Variants in ACTR10 observed in about 807,000 individuals in gnomAD.
ACTR10 encodes actin-related protein 10.
In ACTR10, 43 loss-of-function variants were observed where a neutral mutation model predicts 56.2. That is an observed-to-expected ratio of 0.77 (90% CI 0.60 to 0.99). The LOEUF (loss-of-function observed/expected upper bound fraction) is 0.99, where lower values mean the gene tolerates loss of function less well. Ranked by LOEUF, ACTR10 falls within the 50% of genes least tolerant of loss-of-function variation. ACTR10 has a pLI of 0.00. For synonymous variants in ACTR10, 170 were observed against 176.3 expected (o/e 0.96, Z 0.28); for missense variants, 466 against 507.8 (o/e 0.92, Z 0.79).
At chr14:58,207,020 A>ATTT (rs67404166) in intron 2 of ACTR10, 63 of 124,588 alleles carry the variant, frequency 5.1e-4, no homozygotes, top group South Asian at 1.0e-3. Flanking sequence ...TCAATGCTGA[A>ATTT]TTTTTTTTTT....
At chr14:58,219,772 T>G (rs769605594) in intron 8 of ACTR10, 43 bp downstream of exon 8, 9 of 1,313,760 alleles carry the variant, frequency 6.9e-6, no homozygotes, top group Non-Finnish European at 8.3e-6. Context: ...CCTTAAGTGT[T>G]ACTTTGGAGG....
chr14:58,229,887 A>G (rs2140063785), intron 10 of ACTR10, among the ~76,000 whole-genome samples: 1 of 152,114 alleles, frequency 6.6e-6, no homozygotes, highest in East Asian at 1.9e-4. Context: ...TCATGCTACC[A>G]AAAAGAAATA....
intron 10 of ACTR10, among the ~76,000 whole-genome samples, chr14:58,229,353 G>A (rs1889474947): frequency 6.6e-6 from 1 of 152,172 alleles, no homozygotes; most frequent in Non-Finnish European, 1.5e-5. Context: ...ACTTTAGTTA[G>A]TAACACTATT....
rs754063779 is a variant in ACTR10, at chr14:58,208,025, T to C, written c.233+7T>C. ...TCCACATACTATATTTCAGGTAAGA[T>C]ACATTTTGTTTTCTAGCTTTTATGA... On this transcript the variant is annotated splice_region_variant and intron_variant, in intron 3 of 12. Transcript: ENST00000254286. The C allele has an allele frequency of 2.7e-6, 4 of 1,502,096 alleles. No homozygotes were observed. The highest frequency in any genetic ancestry group is 3.5e-6 in the Non-Finnish European group (4 of 1,132,910). 93.0% of individuals were successfully genotyped at this position (1,502,096 alleles called of 1,614,324 possible).
chr14:58,232,872 CTT>C (rs5808964), intron 12 of ACTR10, among the ~76,000 whole-genome samples: 32,936 of 136,300 alleles, frequency 0.24, 4,092 homozygotes, highest in Middle Eastern at 0.36. Context: ...TTCTTTCTTT[CTT>C]TTTTTTTTTT....
intron 8 of ACTR10, among the ~76,000 whole-genome samples, chr14:58,223,038 AT>A (rs544204179): frequency 6.6e-6 from 1 of 151,942 alleles, no homozygotes; most frequent in Non-Finnish European, 1.5e-5. Flanking sequence ...CTCAAAGGTG[AT>A]TTTTTTTAAA....
At position 58,202,758 on chromosome 14, in the gene ACTR10, T is replaced by A. The variant is rs557725089; in HGVS notation, c.78-97T>A. 4.8e-4 allele frequency: 388 copies of A among 804,822 alleles called. 3 individuals carry two copies. The African/African-American group carries it at 5.7e-3, about 12-fold the overall frequency. 49.9% of individuals were successfully genotyped at this position (804,822 alleles called of 1,614,324 possible). A position where few individuals can be genotyped will look rare whatever the true frequency, so the allele number is the denominator to read the frequency against. On this transcript the variant is annotated intron_variant, in intron 1 of 12. Coordinates refer to ENST00000254286, the MANE Select transcript of ACTR10 (RefSeq NM_018477.3). The stretch of plus-strand genomic sequence containing the variant: ...CATCAGGTATTTTCAAATGTTATTG[T>A]GGCCATTGTTTTGAAACAAATACAG...
chr14:58,229,392 T>A (rs1046942653), intron 10 of ACTR10, among the ~76,000 whole-genome samples: 1 of 151,860 alleles, frequency 6.6e-6, no homozygotes, highest in Non-Finnish European at 1.5e-5. Context: ...AAGAATAGAT[T>A]TTGGGGCCGG....
At chr14:58,219,373 T>C (rs1889213002) in intron 7 of ACTR10, 1 of 188,136 alleles carries the variant, frequency 5.3e-6, no homozygotes. Flanking sequence ...CACCTTTACC[T>C]TGAAGGACAA....
chr14:58,221,827 A>G (rs1484770150), intron 8 of ACTR10, among the ~76,000 whole-genome samples: 1 of 152,092 alleles, frequency 6.6e-6, no homozygotes, highest in African/African-American at 2.4e-5. Context: ...CTGAGGTAGG[A>G]GGATCACTTG....
rs1889649648 is a variant in ACTR10 at position 58,235,115 on chromosome 14, C to T, written c.*564C>T. The T allele has an allele frequency of 6.6e-6, 1 of 152,114 alleles. No individual in the cohort carries two copies. The highest frequency in any genetic ancestry group is 1.9e-4 in the East Asian group (1 of 5,186). The allele number at this position is 152,114 out of a possible 1,614,324, so 9.4% of individuals were successfully genotyped here. ...TTACAGGCGTGAACCACTGTACCAG[C>T]CTATGTTGCTTGTCTTTCAAAAAGA... On this transcript the variant is annotated 3_prime_UTR_variant, in exon 13 of 13. Transcript: ENST00000254286.
rs35929902 is a variant in ACTR10, at chr14:58,205,314, CT to C, written c.150+2405del. Among the ~76,000 whole-genome samples, 440 of 129,614 alleles carry C rather than the reference CT, an allele frequency of 3.4e-3. 1 individual carries two copies. Among genetic ancestry groups the C allele is most frequent in the Non-Finnish European group, 4.6e-3 (286 of 61,788 alleles). The allele number at this position is 129,614 out of a possible 152,430, so 85.0% of individuals were successfully genotyped here. A position where few individuals can be genotyped will look rare whatever the true frequency, so the allele number is the denominator to read the frequency against. ...TTTGGCATTTACATACATCAGAAAT[CT>C]TTTTTTTTTTTTTTTTTGAGGCGGA... On this transcript the variant is annotated intron_variant, in intron 2 of 12. Coordinates refer to ENST00000254286, the MANE Select transcript of ACTR10 (RefSeq NM_018477.3).
intron 2 of ACTR10, 50 bp downstream of exon 2, chr14:58,202,977 T>C (rs766738736): frequency 1.6e-6 from 2 of 1,255,066 alleles, no homozygotes; most frequent in Admixed American, 3.9e-5. Flanking sequence ...ATAAAATGTT[T>C]TAAAATATGA....
chr14:58,226,249 G>C (rs775672005), intron 10 of ACTR10, among the ~76,000 whole-genome samples: 16 of 152,072 alleles, frequency 1.1e-4, no homozygotes, highest in Non-Finnish European at 1.9e-4. Context: ...CTGGGCAACA[G>C]AGTGAGACCC....
intron 11 of ACTR10, chr14:58,231,113 G>T: frequency 2.9e-6 from 1 of 347,196 alleles, no homozygotes; most frequent in East Asian, 9.4e-5. Flanking sequence ...GAGTGCAATG[G>T]CATGATCTCA....
At position 58,213,698 on chromosome 14, in the gene ACTR10, A is replaced by G; in HGVS notation, c.518A>G (p.Lys173Arg). Residue 173 changes from lysine (K) to arginine (R), a missense_variant and splice_region_variant, in exon 6 of 13, where the codon AAA becomes AGA. Coordinates refer to ENST00000254286, the MANE Select transcript of ACTR10 (RefSeq NM_018477.3). ...ALPLGGKALH[K>R]ELETQLLEQC... ...CCCCTAGGAGGAAAAGCTCTTCACAAGTAAGTTTCTTGGAATTTAACATAT... is the reference window on the plus strand; with the variant it reads ...CCCCTAGGAGGAAAAGCTCTTCACAGGTAAGTTTCTTGGAATTTAACATAT... 1 of 1,609,446 alleles carries G rather than the reference A, an allele frequency of 6.2e-7. No homozygotes were observed. Among genetic ancestry groups the G allele is most frequent in the South Asian group, 1.1e-5 (1 of 90,382 alleles).
At chr14:58,231,958 A>C in intron 11 of ACTR10, 108 bp from the exon 12 acceptor site, 1 of 572,314 alleles carries the variant, frequency 1.7e-6, no homozygotes, top group Non-Finnish European at 2.7e-6. Flanking sequence ...CTGTAGTATA[A>C]TAATAATATG....
Position 58,211,350 on chromosome 14 carries a change from A to C in ACTR10, c.401A>C (p.Asn134Thr). The C allele has an allele frequency of 6.2e-7, 1 of 1,613,882 alleles. No individual in the cohort carries two copies. Residue 134 changes from asparagine (N) to threonine (T), a missense_variant, in exon 5 of 13, where the codon AAT becomes ACT. Asn to Thr is a moderately conservative substitution (Grantham distance 65). Transcript: ENST00000254286. ...HLMALLTLGINSAMVLDCGYR... is the reference protein window; with the variant it reads ...HLMALLTLGITSAMVLDCGYR... ...ATGGCTCTTCTGACGCTTGGAATTA[A>C]TTCTGCCATGGTCCTAGATTGTGGA...
At position 58,232,219 on chromosome 14, in the gene ACTR10, C is replaced by T. The variant is rs1397422376; in HGVS notation, c.1024C>T (p.Arg342Ter). The T allele has an allele frequency of 5.0e-6, 8 of 1,613,396 alleles. No homozygotes were observed. Among genetic ancestry groups the T allele is most frequent in the South Asian group, 4.4e-5 (4 of 91,038 alleles). Reference protein sequence around the residue: ...YKKALGTKTFRIHTPPAKANC... With the variant: ...YKKALGTKTF Reference sequence around the variant, plus strand: ...AAAAGCACTTGGCACTAAGACATTTCGAATTCATACTCCACCTGCAAAAGC... The same window carrying T: ...AAAAGCACTTGGCACTAAGACATTTTGAATTCATACTCCACCTGCAAAAGC... The change falls in exon 12 of 13, where the codon CGA (arginine) becomes TGA (stop). Residue 342 changes from arginine (R) to a stop codon, truncating the protein, a stop_gained. Transcript: ENST00000254286. LOFTEE classifies it high-confidence loss of function.
Sources: gnomAD v4.1 joint callset for allele counts (sites outside exome capture counted in the v4.1 genomes callset) on GRCh38, gnomAD v4.1.1 for gene constraint, MANE v1.5 for transcripts, NCBI Gene and HGNC (gene_info 2026-07-23, HGNC 2026-07-21) for gene names.